Variants in CAMTA1 observed in about 807,000 individuals in gnomAD.
CAMTA1 encodes the protein calmodulin binding transcription activator 1.
In CAMTA1, 27 loss-of-function variants were observed where a neutral mutation model predicts 170.9. That is an observed-to-expected ratio of 0.16 (90% confidence interval 0.12 to 0.22). CAMTA1 has a LOEUF of 0.22. Ranked by LOEUF, CAMTA1 falls within the 10% of genes least tolerant of loss-of-function variation. CAMTA1 has a pLI of 1.00. For synonymous variants in CAMTA1, 833 were observed against 891.5 expected (o/e 0.93, Z 1.17); for missense variants, 1,619 against 2,217.2 (o/e 0.73, Z 5.42).
intron 8 of CAMTA1, 25 bp downstream of exon 8, chr1:7,661,891 C>G (rs112532394): frequency 1.8e-5 from 28 of 1,577,770 alleles, no homozygotes; most frequent in African/African-American, 5.4e-5. Flanking sequence ...CCGGGGCAGG[C>G]GGGCGCCACG....
chr1:7,626,168 T>C (rs1236538905), intron 6 of CAMTA1, among the ~76,000 whole-genome samples: 1 of 152,184 alleles, frequency 6.6e-6, no homozygotes, highest in Non-Finnish European at 1.5e-5. Flanking sequence ...AATTTAATCA[T>C]GATTCCCTCT....
In CAMTA1 at chr1:7,468,047, G is replaced by A. The variant is rs1291395922; in HGVS notation, c.510+146G>A. The stretch of plus-strand genomic sequence containing the variant: ...TGCCTAGGGAGACTTCGGCTGTTGC[G>A]GCACTGAGGCCAGCTCAGTGGCTGG... On this transcript the variant is annotated intron_variant, in intron 6 of 22. Transcript: ENST00000303635. The A allele has an allele frequency of 1.9e-5, 13 of 687,752 alleles. 1 individual carries two copies. Among genetic ancestry groups the A allele is most frequent in the Admixed American group, 2.4e-5 (1 of 41,344 alleles). The allele number at this position is 687,752 out of a possible 1,614,324, so 42.6% of individuals were successfully genotyped here.
intron 5 of CAMTA1, among the ~76,000 whole-genome samples, chr1:7,272,712 A>AAAAAAAAAAAAAAAAAAAAAAAAAAAAAG (rs1670017608): frequency 3.6e-5 from 4 of 109,952 alleles, no homozygotes; most frequent in Admixed American, 1.1e-4. Context: ...AAAAAAAAAA[A>AAAAAAAAAAAAAAAAAAAAAAAAAAAAAG]AAAAGAAAAG....
intron 1 of CAMTA1, among the ~76,000 whole-genome samples, chr1:6,796,303 A>C (rs886719706): frequency 6.6e-6 from 1 of 151,754 alleles, no homozygotes; most frequent in African/African-American, 2.4e-5. Flanking sequence ...ATGCCTGGCT[A>C]ATTTTTGTAT....
chr1:7,153,959 C>T (rs1458171223), intron 4 of CAMTA1, among the ~76,000 whole-genome samples: 1 of 152,220 alleles, frequency 6.6e-6, no homozygotes, highest in Non-Finnish European at 1.5e-5. Flanking sequence ...CTGCTCCTGG[C>T]TTCCTCTGTG....
At position 7,745,953 on chromosome 1, in the gene CAMTA1, G is replaced by A. The variant is rs775434446; in HGVS notation, c.4479G>A (p.Ala1493=). Residue 1493 remains alanine, a synonymous_variant, in exon 18 of 23, where the codon GCG becomes GCA. Transcript: ENST00000303635. ...AGAAACCTAACCTTCCCTCCGCCGC[G>A]GATTGGTCAGAATTCCTGAGTGCAT... ...AFEKPNLPSA[A]DWSEFLSAST... The A allele has an allele frequency of 1.7e-5, 27 of 1,614,042 alleles. No individual in the cohort carries two copies. Among genetic ancestry groups the A allele is most frequent in the Non-Finnish European group, 2.2e-5 (26 of 1,180,046 alleles).
chr1:7,015,738 G>A (rs1230579108), intron 3 of CAMTA1, among the ~76,000 whole-genome samples: 1 of 152,212 alleles, frequency 6.6e-6, no homozygotes. Context: ...CATTTCTGCA[G>A]GCTGTACAGG....
chr1:7,419,702 G>A (rs1054296184), intron 5 of CAMTA1, among the ~76,000 whole-genome samples: 2 of 152,046 alleles, frequency 1.3e-5, no homozygotes, highest in Non-Finnish European at 2.9e-5. Flanking sequence ...AACTGACCAC[G>A]GCCACATGGA....
At chr1:7,550,802 C>T (rs116358353) in intron 6 of CAMTA1, among the ~76,000 whole-genome samples, 2,149 of 125,910 alleles carry the variant, frequency 0.017, 79 homozygotes, top group African/African-American at 0.057. Flanking sequence ...ACATGGTCCT[C>T]TCCTACCTGG....
intron 3 of CAMTA1, among the ~76,000 whole-genome samples, chr1:6,830,043 AT>A (rs1017320191): frequency 5.1e-4 from 72 of 141,334 alleles, no homozygotes; most frequent in Admixed American, 3.5e-3. Flanking sequence ...TTTATTTTTT[AT>A]TTTTTTTTTT....
intron 5 of CAMTA1, among the ~76,000 whole-genome samples, chr1:7,383,880 A>G (rs530367632): frequency 9.2e-5 from 14 of 152,298 alleles, no homozygotes; most frequent in East Asian, 1.9e-4. Flanking sequence ...CCATGTGCCA[A>G]TGACACCCTC....
At chr1:7,025,874 C>T (rs919110187) in intron 3 of CAMTA1, among the ~76,000 whole-genome samples, 2 of 152,064 alleles carry the variant, frequency 1.3e-5, no homozygotes, top group Non-Finnish European at 2.9e-5. Flanking sequence ...CTCAACACTT[C>T]GGGAGGCTGA....
chr1:6,856,850 G>A (rs1662597996), intron 3 of CAMTA1, among the ~76,000 whole-genome samples: 1 of 152,112 alleles, frequency 6.6e-6, no homozygotes, highest in South Asian at 2.1e-4. Flanking sequence ...GATCTAGATG[G>A]AGGGGAGGCT....
At chr1:7,594,212 A>C (rs2095379205) in intron 6 of CAMTA1, among the ~76,000 whole-genome samples, 1 of 148,704 alleles carries the variant, frequency 6.7e-6, no homozygotes. Context: ...GAAGGAAGGA[A>C]GGAAGGAAGG....
chr1:7,148,378 C>T (rs925492713), intron 4 of CAMTA1, among the ~76,000 whole-genome samples: 3 of 152,188 alleles, frequency 2.0e-5, no homozygotes, highest in Non-Finnish European at 2.9e-5. Context: ...ACACCACACA[C>T]TCAAATATGC....
rs70987373 is a variant in CAMTA1, at chr1:7,755,326, CAAAAAAAAAAAAA to C, written c.4959-298_4959-286del. The stretch of plus-strand genomic sequence containing the variant: ...TGGGCGACAGGGAGAGACTCCGTCT[CAAAAAAAAAAAAA>C]AAAAAAAAAAAAAGGAAAACCTCAT... On this transcript the variant is annotated intron_variant, in intron 21 of 22. Coordinates refer to ENST00000303635, the MANE Select transcript of CAMTA1 (RefSeq NM_015215.4). 2.4e-4 allele frequency among the ~76,000 whole-genome samples: 15 copies of C among 61,970 alleles called. No homozygotes were observed. In the Admixed American group the frequency reaches 2.9e-3, roughly 12 times the overall value. The allele number at this position is 61,970 out of a possible 152,430, so 40.7% of individuals were successfully genotyped here.
chr1:7,229,193 G>C (rs1231056519), intron 4 of CAMTA1, among the ~76,000 whole-genome samples: 3 of 151,692 alleles, frequency 2.0e-5, no homozygotes, highest in Admixed American at 6.6e-5. Context: ...TAGGGGACAG[G>C]GGTTGCTGTC....
intron 3 of CAMTA1, among the ~76,000 whole-genome samples, chr1:7,058,922 G>A (rs1707798050): frequency 6.6e-6 from 1 of 152,084 alleles, no homozygotes; most frequent in African/African-American, 2.4e-5. Context: ...TTCCTGTTGG[G>A]TGTTTTCAGG....
At chr1:7,577,250 C>T (rs2095206756) in intron 6 of CAMTA1, among the ~76,000 whole-genome samples, 1 of 152,200 alleles carries the variant, frequency 6.6e-6, no homozygotes, top group African/African-American at 2.4e-5. Context: ...TCCCTATGTG[C>T]TCCAGAAACT....
Sources: gnomAD v4.1 joint callset for allele counts (sites outside exome capture counted in the v4.1 genomes callset) on GRCh38, gnomAD v4.1.1 for gene constraint, MANE v1.5 for transcripts, NCBI Gene and HGNC (gene_info 2026-07-23, HGNC 2026-07-21) for gene names.